PLEKHB1: variants seen among roughly 807,000 people sequenced by gnomAD.
The protein encoded by PLEKHB1 is pleckstrin homology domain-containing family B member 1.
Under a neutral mutation model 36.2 loss-of-function variants are expected in PLEKHB1, and 29 were observed. The ratio of observed to expected loss-of-function variants is 0.80; its 90% confidence interval spans 0.60 to 1.09. The LOEUF (loss-of-function observed/expected upper bound fraction) is 1.09. Ranked by LOEUF, PLEKHB1 falls within the 50% of genes least tolerant of loss-of-function variation. PLEKHB1 has a pLI of 0.00. For missense variants in PLEKHB1, 330 were observed against 348.2 expected (o/e 0.95, Z 0.42); for synonymous variants, 138 against 140.0 (o/e 0.99, Z 0.10).
chr11:73,650,876 G>T (rs569906556), intron 3 of PLEKHB1, among the ~76,000 whole-genome samples, 171 bp downstream of exon 3: 187 of 152,110 alleles, frequency 1.2e-3, no homozygotes, highest in Middle Eastern at 3.4e-3. Flanking sequence ...TAAGAAATAG[G>T]TCCTTGGCTG....
chr11:73,646,713 AG>A, intron 1 of PLEKHB1, 87 bp downstream of exon 1: 1 of 1,382,892 alleles, frequency 7.2e-7, no homozygotes, highest in Non-Finnish European at 1.0e-6. Context: ...GAAGTCTTTT[AG>A]GCCCTGACAT....
chr11:73,649,355 C>T (rs1944839434), intron 2 of PLEKHB1, among the ~76,000 whole-genome samples: 1 of 152,128 alleles, frequency 6.6e-6, no homozygotes, highest in Non-Finnish European at 1.5e-5. Context: ...CCTGCAGTAG[C>T]GTCAAGCTGG....
At chr11:73,647,754 G>C in intron 1 of PLEKHB1, 1 of 978,754 alleles carries the variant, frequency 1.0e-6, no homozygotes, top group Non-Finnish European at 1.2e-6. Context: ...TGCATCAAGG[G>C]GAGGGGCTGG....
intron 5 of PLEKHB1, among the ~76,000 whole-genome samples, chr11:73,654,153 G>C (rs1486566601): frequency 6.6e-6 from 1 of 152,200 alleles, no homozygotes; most frequent in East Asian, 1.9e-4. Flanking sequence ...TCTGGATTAA[G>C]GCCTTGTTGG....
chr11:73,661,784 C>T lies in PLEKHB1; in HGVS notation c.*182C>T. On this transcript the variant is annotated 3_prime_UTR_variant, in exon 8 of 8. Transcript: ENST00000354190. This position sits in a 1 kb window ranked among gnomAD's most constrained non-coding sequence, Gnocchi z 4.6. Reference sequence around the variant, plus strand: ...TAATCCCCACATGGGAAGAAGCTATCATCACAGGTACAAACATCGCTTGAA... The same window carrying T: ...TAATCCCCACATGGGAAGAAGCTATTATCACAGGTACAAACATCGCTTGAA... The T allele has an allele frequency of 1.4e-6, 1 of 725,494 alleles. No individual in the cohort carries two copies. Among genetic ancestry groups the T allele is most frequent in the South Asian group, 2.1e-5 (1 of 46,976 alleles). 44.9% of individuals were successfully genotyped at this position (725,494 alleles called of 1,614,324 possible). A position where few individuals can be genotyped will look rare whatever the true frequency, so the allele number is the denominator to read the frequency against.
intron 6 of PLEKHB1, among the ~76,000 whole-genome samples, chr11:73,657,407 C>T (rs976540737): frequency 1.3e-5 from 2 of 152,132 alleles, no homozygotes; most frequent in African/African-American, 4.8e-5. Context: ...AGACTGTAAA[C>T]CTAATAACAC....
At chr11:73,648,538 T>C (rs187420731) in intron 1 of PLEKHB1, among the ~76,000 whole-genome samples, 135 of 152,298 alleles carry the variant, frequency 8.9e-4, no homozygotes, top group African/African-American at 3.1e-3. Context: ...CCCTCATCCA[T>C]TGCCGTGATT....
At position 73,661,200 on chromosome 11, in the gene PLEKHB1, G is replaced by A. The variant is rs1314389447; in HGVS notation, c.596-266G>A. Among the ~76,000 whole-genome samples, 2 of 152,202 alleles carry A rather than the reference G, an allele frequency of 1.3e-5. No individual in the cohort carries two copies. The highest frequency in any genetic ancestry group is 2.9e-5 in the Non-Finnish European group (2 of 68,040). On this transcript the variant is annotated intron_variant, in intron 7 of 7. Transcript: ENST00000354190. This position sits in a 1 kb window ranked among gnomAD's most constrained non-coding sequence, Gnocchi z 4.6. The stretch of plus-strand genomic sequence containing the variant: ...GCCCATCGTTAGGCGCCTGGTGGTT[G>A]TGCTTAGCGATCTCAGGGTTTCCTC...
rs375874055 is a variant in PLEKHB1 at position 73,650,550 on chromosome 11, C to T, written c.95-3C>T. 86 of 1,606,070 alleles carry T rather than the reference C, an allele frequency of 5.4e-5. No homozygotes were observed. The Middle Eastern group carries it at 1.7e-3, about 31-fold the overall frequency. On this transcript the variant is annotated splice_polypyrimidine_tract_variant and splice_region_variant and intron_variant, in intron 2 of 7. Coordinates refer to ENST00000354190, the MANE Select transcript of PLEKHB1 (RefSeq NM_021200.3). ...TGCCTAGTGCATCTGGAATATCGTACAGGCTCCATCCTCCGCCGCTGGAAG... is the reference window on the plus strand; with the variant it reads ...TGCCTAGTGCATCTGGAATATCGTATAGGCTCCATCCTCCGCCGCTGGAAG...
Position 73,649,063 on chromosome 11 carries a change from A to G in PLEKHB1, c.70A>G (p.Arg24Gly), listed in dbSNP as rs777120153. The change falls in exon 2 of 8, where the codon AGG becomes GGG. Residue 24 changes from arginine to glycine, a missense_variant. Physicochemically the swap from Arg to Gly is moderately radical, Grantham distance 125. Coordinates refer to ENST00000354190, the MANE Select transcript of PLEKHB1 (RefSeq NM_021200.3). The part of the protein sequence containing the change: ...ESPFEEMALV[R>G]GGWLWRQSSI... ...TCCTTTTGAAGAAATGGCCCTGGTG[A>G]GGGGCGGCTGGCTGTGGAGACAGAG... is the stretch of plus-strand genomic sequence containing the variant. 8.2e-5 allele frequency: 131 copies of G among 1,600,744 alleles called. No homozygotes were observed. The highest frequency in any genetic ancestry group is 1.1e-4 in the Non-Finnish European group (125 of 1,173,802).
Position 73,660,803 on chromosome 11 carries a change from T to C in PLEKHB1, c.546T>C (p.Asn182=), listed in dbSNP as rs1250214717. 7 of 1,602,968 alleles carry C rather than the reference T, an allele frequency of 4.4e-6. No homozygotes were observed. The South Asian group carries it at 4.5e-5, about 10-fold the overall frequency. Residue 182 remains asparagine (N), a synonymous_variant, in exon 7 of 8, where the codon AAT becomes AAC. Transcript: ENST00000354190. ...YQDYYEVVPP[N]AHEATYVRSY... ...ACTACTACGAGGTGGTGCCCCCCAA[T>C]GCACACGAGGCCACGTATGTCCGCA...
At chr11:73,646,723 A>T (rs567309219) in intron 1 of PLEKHB1, 97 bp downstream of exon 1, 311 of 1,315,830 alleles carry the variant, frequency 2.4e-4, no homozygotes, top group Non-Finnish European at 3.1e-4. Flanking sequence ...AGGCCCTGAC[A>T]TCCTCTGGTC....
intron 4 of PLEKHB1, 21 bp from the exon 5 acceptor site, chr11:73,652,954 C>T: frequency 6.2e-7 from 1 of 1,601,206 alleles, no homozygotes; most frequent in South Asian, 1.1e-5. Context: ...TCCTCATGGT[C>T]TGGTGGGATT....
chr11:73,656,118 G>A (rs1358957088), intron 6 of PLEKHB1, among the ~76,000 whole-genome samples: 1 of 152,128 alleles, frequency 6.6e-6, no homozygotes, highest in Non-Finnish European at 1.5e-5. Flanking sequence ...TCCCTCTGCT[G>A]ACAAGACCTC....
chr11:73,651,734 G>A (rs1944898937), intron 3 of PLEKHB1, 54 bp from the exon 4 acceptor site: 1 of 1,429,498 alleles, frequency 7.0e-7, no homozygotes, highest in South Asian at 1.2e-5. Flanking sequence ...TGCTTTACTG[G>A]GGGGACCTGG....
rs1945151497 is a variant in PLEKHB1, at chr11:73,662,688, TC to T, written c.*1089del. On this transcript the variant is annotated 3_prime_UTR_variant, in exon 8 of 8. Coordinates refer to ENST00000354190, the MANE Select transcript of PLEKHB1 (RefSeq NM_021200.3). ...CCTTCCAGTCTCTTCCCCCTTTCTA[TC>T]CCAATCACCAATAGAAATGCTAACA... 1 of 152,164 alleles carries T rather than the reference TC, an allele frequency of 6.6e-6. No individual in the cohort carries two copies. Among genetic ancestry groups the T allele is most frequent in the South Asian group, 2.1e-4 (1 of 4,798 alleles). 9.4% of individuals were successfully genotyped at this position (152,164 alleles called of 1,614,324 possible).
In PLEKHB1 at chr11:73,650,443, G is replaced by T. The variant is rs1476832717; in HGVS notation, c.95-110G>T. ...TTCAGGGGGTAGACAAGAAAAAGGTGGTTGTAACACTAGGGACTGAGGCTG... is the reference window on the plus strand; with the variant it reads ...TTCAGGGGGTAGACAAGAAAAAGGTTGTTGTAACACTAGGGACTGAGGCTG... On this transcript the variant is annotated intron_variant, in intron 2 of 7. Coordinates refer to ENST00000354190, the MANE Select transcript of PLEKHB1 (RefSeq NM_021200.3). The T allele has an allele frequency of 1.8e-5, 22 of 1,224,132 alleles. No homozygotes were observed. The East Asian group carries it at 4.9e-4, about 27-fold the overall frequency. The allele number at this position is 1,224,132 out of a possible 1,614,324, so 75.8% of individuals were successfully genotyped here.
At chr11:73,655,747 G>A (rs1719620076) in intron 5 of PLEKHB1, 56 bp from the exon 6 acceptor site, 1 of 1,484,380 alleles carries the variant, frequency 6.7e-7, no homozygotes, top group African/African-American at 1.4e-5. Context: ...AGGTGTAGAG[G>A]GCCTCTGACA....
At chr11:73,653,515 C>T in intron 5 of PLEKHB1, 2 of 453,008 alleles carry the variant, frequency 4.4e-6, no homozygotes, top group Non-Finnish European at 8.9e-6. Context: ...AATGAGAAGC[C>T]AGACATGGAA....
Sources: allele counts gnomAD v4.1 joint callset (sites outside exome capture counted in the v4.1 genomes callset), GRCh38; gene constraint gnomAD v4.1.1; non-coding constraint Gnocchi (gnomAD v3.1); transcripts MANE v1.5; gene names NCBI Gene and HGNC (gene_info 2026-07-23, HGNC 2026-07-21).